The following VPS13C variants were observed in gnomAD, a reference collection of about 807,000 sequenced individuals.
The protein encoded by VPS13C is intermembrane lipid transfer protein VPS13C.
A neutral mutation model predicts 456.8 loss-of-function variants in VPS13C; 358 were observed. The observed-to-expected ratio is 0.78, with a 90% CI of 0.72 to 0.86. VPS13C has a LOEUF of 0.86. VPS13C is among the 40% of genes least tolerant of loss of function. VPS13C has a pLI of 0.00. For synonymous variants in VPS13C, 1,578 were observed against 1,486.7 expected, an observed-to-expected ratio of 1.06 and a Z score of -1.41; for missense variants, 4,818 against 4,385.4, an observed-to-expected ratio of 1.10 and a Z score of -2.79.
At chr15:61,855,417 T>C (rs879499822) in intron 83 of VPS13C, among the ~76,000 whole-genome samples, 27 of 152,304 alleles carry the variant, frequency 1.8e-4, no homozygotes, top group Admixed American at 1.7e-3. Flanking sequence ...TTGAAAACTA[T>C]ATTTCATACA....
rs537983626 is a variant in VPS13C at position 61,921,605 on chromosome 15, C to T, written c.7062+342G>A. Among the ~76,000 whole-genome samples, 3 of 152,030 alleles carry T rather than the reference C, an allele frequency of 2.0e-5. No individual in the cohort carries two copies. The East Asian group carries it at 5.8e-4, about 29-fold the overall frequency. Reference sequence around the variant, plus strand: ...AAAAATTACATGCTAATATAAATAACATTTTTAATCAAAAATAACTATTTT... The same window carrying T: ...AAAAATTACATGCTAATATAAATAATATTTTTAATCAAAAATAACTATTTT... On this transcript the variant is annotated intron_variant, in intron 55 of 84. Transcript: ENST00000644861.
At chr15:61,976,856 T>C (rs2045717796) in intron 24 of VPS13C, among the ~76,000 whole-genome samples, 1 of 152,016 alleles carries the variant, frequency 6.6e-6, no homozygotes, top group African/African-American at 2.4e-5. Flanking sequence ...TTCAAAAACA[T>C]GAACCATCAA....
intron 4 of VPS13C, among the ~76,000 whole-genome samples, 162 bp downstream of exon 4, chr15:62,034,795 T>G (rs1474052492): frequency 6.6e-6 from 1 of 151,896 alleles, no homozygotes; most frequent in Non-Finnish European, 1.5e-5. Context: ...AAGATATATG[T>G]GCATACATAT....
At chr15:62,055,797 A>C (rs553041593) in intron 1 of VPS13C, among the ~76,000 whole-genome samples, 1 of 152,272 alleles carries the variant, frequency 6.6e-6, no homozygotes, top group South Asian at 2.1e-4. Flanking sequence ...TTAAAACCTT[A>C]CAATTTTTTC....
intron 9 of VPS13C, 41 bp from the exon 10 acceptor site, chr15:62,014,033 T>C: frequency 6.7e-7 from 1 of 1,484,102 alleles, no homozygotes; most frequent in African/African-American, 1.4e-5. Context: ...GTGGTATGGA[T>C]GTCATTAATA....
intron 66 of VPS13C, among the ~76,000 whole-genome samples, chr15:61,899,482 A>C (rs2042932308): frequency 6.6e-6 from 1 of 152,164 alleles, no homozygotes; most frequent in South Asian, 2.1e-4. Flanking sequence ...TACTATAAAC[A>C]CCTCTATGCA....
intron 27 of VPS13C, among the ~76,000 whole-genome samples, chr15:61,970,788 G>A (rs1371897679): frequency 6.6e-6 from 1 of 150,604 alleles, no homozygotes; most frequent in Non-Finnish European, 1.5e-5. Flanking sequence ...GAAAATGAAG[G>A]TTGCTGTCTT....
chr15:62,037,611 A>G (rs956930172), intron 3 of VPS13C, among the ~76,000 whole-genome samples: 4 of 143,818 alleles, frequency 2.8e-5, no homozygotes, highest in African/African-American at 1.0e-4. Context: ...TTAGATGTCT[A>G]TAACTTCCTT....
At chr15:61,919,109 G>T (rs768068213) in intron 58 of VPS13C, among the ~76,000 whole-genome samples, 180 bp downstream of exon 58, 2 of 152,028 alleles carry the variant, frequency 1.3e-5, no homozygotes, top group Non-Finnish European at 2.9e-5. Context: ...AATATTATCA[G>T]AGCAAGCTGG....
At chr15:61,897,933 G>A (rs1437929186) in intron 66 of VPS13C, among the ~76,000 whole-genome samples, 1 of 152,152 alleles carries the variant, frequency 6.6e-6, no homozygotes, top group African/African-American at 2.4e-5. Context: ...CCAGAAGAGA[G>A]TGGGGGCCAA....
intron 8 of VPS13C, 144 bp from the exon 9 acceptor site, chr15:62,020,682 G>A (rs1396502675): frequency 4.7e-6 from 3 of 633,856 alleles, no homozygotes; most frequent in East Asian, 2.9e-5. Flanking sequence ...GGGGAAGGAG[G>A]TAATAACATG....
chr15:62,033,583 T>G, intron 4 of VPS13C, 41 bp from the exon 5 acceptor site: 1 of 1,401,774 alleles, frequency 7.1e-7, no homozygotes. Context: ...TAAATGGAAT[T>G]AATAAATAAA....
At chr15:62,060,097 C>T (rs2048948210) in intron 1 of VPS13C, among the ~76,000 whole-genome samples, 178 bp downstream of exon 1, 1 of 152,132 alleles carries the variant, frequency 6.6e-6, no homozygotes, top group Non-Finnish European at 1.5e-5. Flanking sequence ...CAGCCGGAGT[C>T]GGGACTGGGA....
chr15:61,866,608 A>C, intron 81 of VPS13C: 1 of 985,152 alleles, frequency 1.0e-6, no homozygotes, highest in South Asian at 4.7e-5. Context: ...AGAAAACTGC[A>C]TGTGGTGACA....
intron 7 of VPS13C, 30 bp downstream of exon 7, chr15:62,023,750 A>G: frequency 6.3e-7 from 1 of 1,580,634 alleles, no homozygotes; most frequent in Non-Finnish European, 8.7e-7. Flanking sequence ...TGTATAAACA[A>G]CACCATGGCA....
rs759791071 is a variant in VPS13C at position 62,013,029 on chromosome 15, T to A, written c.825+10A>T. 2.5e-6 allele frequency: 4 copies of A among 1,605,846 alleles called. No homozygotes were observed. Among genetic ancestry groups the A allele is most frequent in the Non-Finnish European group, 2.6e-6 (3 of 1,175,590 alleles). On this transcript the variant is annotated intron_variant, in intron 11 of 84. Coordinates refer to ENST00000644861, the MANE Select transcript of VPS13C (RefSeq NM_020821.3). The stretch of plus-strand genomic sequence containing the variant: ...TGAAGTTAGCTCTTCCAAGTATACA[T>A]TAATATTACCAAAATCTGTTCCCTT...
At position 62,044,240 on chromosome 15, in the gene VPS13C, T is replaced by G. The variant is rs764210128; in HGVS notation, c.116A>C (p.Asp39Ala). Residue 39 changes from aspartate (D) to alanine (A), a missense_variant, in exon 2 of 85, where the codon GAT becomes GCT. Asp to Ala is a moderately radical substitution (Grantham distance 126). This residue lies in a region of VPS13C where 4,552 missense variants were observed against 4,130.6 expected (regional missense o/e 1.10). Coordinates refer to ENST00000644861, the MANE Select transcript of VPS13C (RefSeq NM_020821.3). ...LGIWGGNVAL[D>A]NLQIKENALS... ...GGCATTTTCTTTTATCTGTAGATTA[T>G]CTAAAGCCACATTTCCTTTAAAAAA... 4.1e-6 allele frequency: 6 copies of G among 1,479,734 alleles called. No individual in the cohort carries two copies. Among genetic ancestry groups the G allele is most frequent in the South Asian group, 2.4e-5 (2 of 84,056 alleles). 91.7% of individuals were successfully genotyped at this position (1,479,734 alleles called of 1,614,324 possible). A position where few individuals can be genotyped will look rare whatever the true frequency, so the allele number is the denominator to read the frequency against.
At position 61,963,423 on chromosome 15, in the gene VPS13C, G is replaced by C. The variant is rs2045277607; in HGVS notation, c.3331+412C>G. Among the ~76,000 whole-genome samples, 4 of 151,630 alleles carry C rather than the reference G, an allele frequency of 2.6e-5. No homozygotes were observed. In the Middle Eastern group the frequency reaches 0.01, roughly 387 times the overall value. ...CCATTATAAGATTGCTTTTCATAAG[G>C]AAAGACAAATAAAGACAAATACATA... On this transcript the variant is annotated intron_variant, in intron 32 of 84. Transcript: ENST00000644861.
intron 81 of VPS13C, chr15:61,865,516 TATAC>T (rs1261355566): frequency 3.2e-6 from 3 of 950,826 alleles, no homozygotes; most frequent in African/African-American, 1.8e-5. Context: ...AATGACTATA[TATAC>T]ATACATATAA....
Sources: gnomAD v4.1 joint callset for allele counts (sites outside exome capture counted in the v4.1 genomes callset) on GRCh38, gnomAD v4.1.1 for gene constraint, gnomAD v4.1.1 regional missense constraint, MANE v1.5 for transcripts, NCBI Gene and HGNC (gene_info 2026-07-23, HGNC 2026-07-21) for gene names.